GRID2: variants seen among roughly 807,000 people sequenced by gnomAD.
GRID2 encodes glutamate ionotropic receptor delta type subunit 2.
A neutral mutation model predicts 114.8 loss-of-function variants in GRID2; 33 were observed. The observed-to-expected ratio is 0.29, with a 90% confidence interval of 0.22 to 0.38. GRID2 has a LOEUF of 0.38. GRID2 is among the 10% of genes least tolerant of loss of function. The probability of loss-of-function intolerance (pLI) is 1.00; values close to 1 mark genes in which losing one functional copy is unlikely to be tolerated. For missense variants in GRID2, 1,184 were observed against 1,257.7 expected (o/e 0.94, Z 0.89); for synonymous variants, 505 against 449.9 (o/e 1.12, Z -1.55).
chr4:93,152,980 T>C (rs1736865943), intron 4 of GRID2, among the ~76,000 whole-genome samples: 1 of 152,130 alleles, frequency 6.6e-6, no homozygotes, highest in African/African-American at 2.4e-5. Flanking sequence ...TTTGTCCTGA[T>C]ATGTCCTATT....
At chr4:92,474,165 C>G (rs1017565593) in intron 1 of GRID2, among the ~76,000 whole-genome samples, 6 of 152,066 alleles carry the variant, frequency 3.9e-5, no homozygotes, top group Non-Finnish European at 8.8e-5. Context: ...ACCTCAACAT[C>G]TCTCCCATTT....
chr4:92,415,740 G>GTGTATATATATATATATATA (rs1459039400), intron 1 of GRID2, among the ~76,000 whole-genome samples: 1 of 82,230 alleles, frequency 1.2e-5, no homozygotes, highest in Non-Finnish European at 2.4e-5. Context: ...GTGTATGTGT[G>GTGTATATATATATATATATA]TATATATATA....
intron 8 of GRID2, among the ~76,000 whole-genome samples, chr4:93,248,095 A>G (rs1482719490): frequency 6.6e-6 from 1 of 152,058 alleles, no homozygotes; most frequent in Non-Finnish European, 1.5e-5. Context: ...ATACACACAC[A>G]CACACACACC....
At chr4:93,752,382 T>TTATTTATG (rs1732400745) in intron 14 of GRID2, among the ~76,000 whole-genome samples, 8 of 152,094 alleles carry the variant, frequency 5.3e-5, no homozygotes, top group Admixed American at 3.3e-4. Context: ...ATTTATTTAT[T>TTATTTATG]TATTTTGAGA....
chr4:93,069,071 A>G lies in GRID2; in HGVS notation c.245-15924A>G, dbSNP rs189105196. On this transcript the variant is annotated intron_variant, in intron 2 of 15. Transcript: ENST00000282020. ...CCAGATCTCCCAAAACTGACTCACT[A>G]TCACAAGGACAGTATCGGGGGGCTG... 1.0e-3 allele frequency among the ~76,000 whole-genome samples: 156 copies of G among 152,084 alleles called. 1 individual carries two copies. Among genetic ancestry groups the G allele is most frequent in the Non-Finnish European group, 1.4e-3 (98 of 67,976 alleles).
At chr4:93,010,861 T>C (rs1410924126) in intron 2 of GRID2, among the ~76,000 whole-genome samples, 1 of 152,124 alleles carries the variant, frequency 6.6e-6, no homozygotes, top group Non-Finnish European at 1.5e-5. Flanking sequence ...GTTGTGTTGT[T>C]TGAGTTTTCT....
intron 2 of GRID2, among the ~76,000 whole-genome samples, chr4:92,715,327 A>G (rs1392130994): frequency 2.0e-5 from 3 of 152,144 alleles, no homozygotes; most frequent in Non-Finnish European, 2.9e-5. Flanking sequence ...GGTCAAAGCC[A>G]TTCAACACGA....
At chr4:92,706,001 G>A (rs1379828601) in intron 2 of GRID2, among the ~76,000 whole-genome samples, 1 of 152,170 alleles carries the variant, frequency 6.6e-6, no homozygotes, top group East Asian at 1.9e-4. Context: ...GACAAATGAG[G>A]TATGATGGTC....
chr4:92,513,288 G>T (rs1374704727), intron 1 of GRID2, among the ~76,000 whole-genome samples: 10 of 151,770 alleles, frequency 6.6e-5, no homozygotes, highest in Non-Finnish European at 1.5e-4. Context: ...CCTTGAAATT[G>T]ATCAGTACAA....
intron 2 of GRID2, among the ~76,000 whole-genome samples, chr4:92,649,746 A>G (rs1731832180): frequency 6.6e-6 from 1 of 152,026 alleles, no homozygotes; most frequent in African/African-American, 2.4e-5. Context: ...AAATGGAACT[A>G]ATTCTTTCCT....
At chr4:92,464,254 G>A (rs1004719138) in intron 1 of GRID2, among the ~76,000 whole-genome samples, 1 of 151,928 alleles carries the variant, frequency 6.6e-6, no homozygotes, top group Non-Finnish European at 1.5e-5. Context: ...CTTTCATCTT[G>A]CCCTTTCTCT....
At chr4:93,502,988 G>A (rs760659927) in intron 12 of GRID2, among the ~76,000 whole-genome samples, 9 of 152,088 alleles carry the variant, frequency 5.9e-5, no homozygotes, top group South Asian at 4.2e-4. Context: ...AAAACAGTTC[G>A]GGCATTTATA....
intron 2 of GRID2, among the ~76,000 whole-genome samples, chr4:92,937,816 A>C (rs1040336121): frequency 2.0e-5 from 3 of 146,620 alleles, no homozygotes; most frequent in African/African-American, 7.3e-5. Context: ...TCATCTTAAT[A>C]GTATTAATTC....
intron 13 of GRID2, among the ~76,000 whole-genome samples, chr4:93,539,624 A>G (rs1490843204): frequency 1.3e-5 from 2 of 151,996 alleles, no homozygotes; most frequent in African/African-American, 4.8e-5. Context: ...TAACCTTCTT[A>G]GGAAAAATGA....
rs995504307 is a variant in GRID2 at position 92,691,487 on chromosome 4, C to T, written c.244+101201C>T. Among the ~76,000 whole-genome samples the T allele has an allele frequency of 3.9e-5, 6 of 152,146 alleles. No individual in the cohort carries two copies. In the South Asian group the frequency reaches 6.2e-4, roughly 16 times the overall value. On this transcript the variant is annotated intron_variant, in intron 2 of 15. Coordinates refer to ENST00000282020, the MANE Select transcript of GRID2 (RefSeq NM_001510.4). ...GCCATGGGATGGAATCTGAAGGGAG[C>T]GATGGCATTGGTCAGATGTATGCAA...
intron 13 of GRID2, among the ~76,000 whole-genome samples, chr4:93,527,418 A>G (rs1731023314): frequency 1.3e-5 from 2 of 152,162 alleles, no homozygotes; most frequent in Admixed American, 6.5e-5. Context: ...GGGGAAATAA[A>G]TATATTACAG....
chr4:93,592,833 A>G (rs1220312374), intron 13 of GRID2, among the ~76,000 whole-genome samples: 1 of 151,800 alleles, frequency 6.6e-6, no homozygotes, highest in African/African-American at 2.4e-5. Flanking sequence ...GTCTCTTTTG[A>G]TCTTTGTTGG....
At chr4:93,156,697 A>T (rs1737217409) in intron 4 of GRID2, among the ~76,000 whole-genome samples, 1 of 151,750 alleles carries the variant, frequency 6.6e-6, no homozygotes, top group South Asian at 2.1e-4. Flanking sequence ...ATTTAGATCT[A>T]ATCATCTTGA....
intron 1 of GRID2, among the ~76,000 whole-genome samples, chr4:92,344,304 A>G (rs745728940): frequency 4.6e-5 from 7 of 152,172 alleles, no homozygotes; most frequent in Non-Finnish European, 8.8e-5. Flanking sequence ...TTTGTAAATA[A>G]AAGTATTTAG....
Sources: gnomAD v4.1 joint callset for allele counts (sites outside exome capture counted in the v4.1 genomes callset) on GRCh38, gnomAD v4.1.1 for gene constraint, MANE v1.5 for transcripts, NCBI Gene and HGNC (gene_info 2026-07-23, HGNC 2026-07-21) for gene names.